The following TEC variants were observed in gnomAD, a reference collection of about 807,000 sequenced individuals.
TEC encodes the protein tyrosine-protein kinase Tec.
In TEC, 72 loss-of-function variants were observed where a neutral mutation model predicts 93.0. That is an observed-to-expected ratio of 0.77 (90% CI 0.64 to 0.94). The LOEUF is 0.94. TEC is among the 40% of genes least tolerant of loss of function. The pLI is 0.00. For synonymous variants in TEC, 249 were observed against 247.7 expected (o/e 1.01, Z -0.05); for missense variants, 630 against 757.9 (o/e 0.83, Z 1.98).
intron 2 of TEC, among the ~76,000 whole-genome samples, chr4:48,182,930 C>A (rs1033897821): frequency 2.6e-5 from 4 of 152,204 alleles, no homozygotes. Context: ...TTTCCCAAGG[C>A]ATCCAGAGTC....
At chr4:48,195,603 G>A (rs1426756226) in intron 2 of TEC, among the ~76,000 whole-genome samples, 1 of 152,170 alleles carries the variant, frequency 6.6e-6, no homozygotes, top group African/African-American at 2.4e-5. Context: ...CAGAACCAGT[G>A]ACTCTGCCAA....
intron 1 of TEC, among the ~76,000 whole-genome samples, chr4:48,260,160 T>G (rs1459716603): frequency 6.6e-6 from 1 of 152,246 alleles, no homozygotes; most frequent in Non-Finnish European, 1.5e-5. Context: ...TAACATGGCC[T>G]CAAGCATTCT....
At chr4:48,159,150 TA>T (rs1266384146) in intron 8 of TEC, among the ~76,000 whole-genome samples, 1 of 150,520 alleles carries the variant, frequency 6.6e-6, no homozygotes, top group Non-Finnish European at 1.5e-5. Flanking sequence ...TACACACAGG[TA>T]AAATGTGACA....
At chr4:48,139,664 G>A (rs866032854) in intron 15 of TEC, among the ~76,000 whole-genome samples, 2 of 152,276 alleles carry the variant, frequency 1.3e-5, no homozygotes, top group Middle Eastern at 3.4e-3. Flanking sequence ...ACAAAAACTG[G>A]TAACAGTAGC....
At chr4:48,141,670 T>C in intron 14 of TEC, 1 of 361,902 alleles carries the variant, frequency 2.8e-6, no homozygotes, top group South Asian at 5.3e-5. Flanking sequence ...ATTGTCTTTT[T>C]TTTTTCTTTT....
chr4:48,195,120 A>C (rs905437460), intron 2 of TEC, among the ~76,000 whole-genome samples: 21 of 152,220 alleles, frequency 1.4e-4, no homozygotes, highest in African/African-American at 4.8e-4. Flanking sequence ...CATCTGTAGA[A>C]GAAATGATGT....
chr4:48,212,110 A>AAAAAAAAAAAAAAAAAAT, intron 2 of TEC, among the ~76,000 whole-genome samples: 1 of 122,266 alleles, frequency 8.2e-6, no homozygotes, highest in East Asian at 2.3e-4. Flanking sequence ...AAAAAAAAAA[A>AAAAAAAAAAAAAAAAAAT]ATATATATAT....
chr4:48,187,434 TAAA>T (rs59244907), intron 2 of TEC, among the ~76,000 whole-genome samples: 5 of 134,208 alleles, frequency 3.7e-5, no homozygotes. Flanking sequence ...CAATAAATAC[TAAA>T]AAAAAAAAAA....
chr4:48,140,537 A>G (rs184109974), intron 15 of TEC, among the ~76,000 whole-genome samples: 4 of 152,354 alleles, frequency 2.6e-5, no homozygotes, highest in Non-Finnish European at 5.9e-5. Context: ...AAAGGGCCAG[A>G]TAACACATAT....
chr4:48,182,271 C>T (rs1361356756), intron 2 of TEC, among the ~76,000 whole-genome samples: 4 of 131,642 alleles, frequency 3.0e-5, no homozygotes, highest in African/African-American at 6.0e-5. Flanking sequence ...GGTGACAGAG[C>T]GAGACTCCAT....
intron 2 of TEC, among the ~76,000 whole-genome samples, chr4:48,184,759 G>A (rs565694699): frequency 2.6e-5 from 3 of 113,236 alleles, no homozygotes; most frequent in African/African-American, 1.0e-4. Flanking sequence ...GGACCAGGCA[G>A]ACAAAAAAAA....
chr4:48,259,464 C>G (rs1185533842), intron 1 of TEC, among the ~76,000 whole-genome samples: 3 of 152,122 alleles, frequency 2.0e-5, no homozygotes, highest in Non-Finnish European at 4.4e-5. Context: ...GCCTGTAATC[C>G]CAGCACTTTG....
At chr4:48,238,816 T>C (rs1005282543) in intron 1 of TEC, among the ~76,000 whole-genome samples, 5 of 151,792 alleles carry the variant, frequency 3.3e-5, no homozygotes, top group Non-Finnish European at 5.9e-5. Flanking sequence ...ATGTACTCCT[T>C]CCAGGCCATT....
chr4:48,234,548 T>TA (rs1723733544), intron 1 of TEC, among the ~76,000 whole-genome samples: 1 of 152,344 alleles, frequency 6.6e-6, no homozygotes, highest in African/African-American at 2.4e-5. Context: ...AGAAGATTTA[T>TA]AATAAGTTAG....
chr4:48,156,356 T>C (rs1720398966), intron 9 of TEC, among the ~76,000 whole-genome samples: 1 of 152,214 alleles, frequency 6.6e-6, no homozygotes, highest in Non-Finnish European at 1.5e-5. Flanking sequence ...TAAGAAAGGC[T>C]GAAGACATGT....
chr4:48,252,323 A>G (rs1724225373), intron 1 of TEC, among the ~76,000 whole-genome samples: 1 of 152,228 alleles, frequency 6.6e-6, no homozygotes, highest in Non-Finnish European at 1.5e-5. Context: ...CCTTAAGTCA[A>G]TCCTGCTATT....
At chr4:48,171,286 C>T in intron 4 of TEC, 82 bp downstream of exon 4, 1 of 1,090,434 alleles carries the variant, frequency 9.2e-7, no homozygotes, top group Non-Finnish European at 1.3e-6. Context: ...GCAATAGATA[C>T]ATTAGCTGTA....
At chr4:48,185,774 GCTCTCCCTCT>G (rs1560397273) in intron 2 of TEC, among the ~76,000 whole-genome samples, 21 of 149,644 alleles carry the variant, frequency 1.4e-4, no homozygotes, top group Non-Finnish European at 1.8e-4. Flanking sequence ...AAATATGAAG[GCTCTCCCTCT>G]CCCTCCCCCT....
chr4:48,259,996 C>A (rs561743913), intron 1 of TEC, among the ~76,000 whole-genome samples: 116 of 152,296 alleles, frequency 7.6e-4, no homozygotes, highest in African/African-American at 2.6e-3. Context: ...AGTTACATAA[C>A]AACTCTTCCA....
Sources: gnomAD v4.1 joint callset for allele counts (sites outside exome capture counted in the v4.1 genomes callset) on GRCh38, gnomAD v4.1.1 for gene constraint, MANE v1.5 for transcripts, NCBI Gene and HGNC (gene_info 2026-07-23, HGNC 2026-07-21) for gene names.